The following AFAP1L2 variants were observed in gnomAD, a reference collection of about 807,000 sequenced individuals.
AFAP1L2 encodes actin filament-associated protein 1-like 2.
In AFAP1L2, 46 loss-of-function variants were observed where a neutral mutation model predicts 99.3. The observed-to-expected ratio is 0.46, with a 90% CI of 0.37 to 0.59. AFAP1L2 has a LOEUF of 0.59. Ranked by LOEUF, AFAP1L2 falls within the 20% of genes least tolerant of loss-of-function variation. The probability of loss-of-function intolerance (pLI) is 0.00; values close to 1 mark genes in which losing one functional copy is unlikely to be tolerated. For synonymous variants in AFAP1L2, 397 were observed against 419.1 expected (o/e 0.95, Z 0.64); for missense variants, 959 against 1,034.9 (o/e 0.93, Z 1.01).
intron 11 of AFAP1L2, among the ~76,000 whole-genome samples, chr10:114,303,400 C>G (rs553929256): frequency 6.6e-6 from 1 of 152,260 alleles, no homozygotes; most frequent in East Asian, 1.9e-4. Context: ...CTCTGCCTCC[C>G]GGCTTCAAGC....
At chr10:114,342,314 G>C (rs1454908660) in intron 1 of AFAP1L2, among the ~76,000 whole-genome samples, 1 of 152,152 alleles carries the variant, frequency 6.6e-6, no homozygotes, top group Non-Finnish European at 1.5e-5. Flanking sequence ...CTAGCTATCC[G>C]CTGTAACACC....
At chr10:114,286,391 C>T in the AFAP1L2 span, 45 of 1,613,756 alleles carry the variant, frequency 2.8e-5, no homozygotes, top group East Asian at 7.1e-4. Context: ...TGAGGCCGTG[C>T]GGGCAGAGCT....
intron 4 of AFAP1L2, among the ~76,000 whole-genome samples, chr10:114,328,629 T>C (rs565432718): frequency 6.6e-6 from 1 of 152,324 alleles, no homozygotes; most frequent in South Asian, 2.1e-4. Context: ...CCACGGTTGA[T>C]GGTCTGGCTA....
intron 12 of AFAP1L2, 72 bp downstream of exon 12, chr10:114,302,265 ACT>A (rs1320482228): frequency 1.3e-6 from 2 of 1,592,448 alleles, no homozygotes; most frequent in Admixed American, 3.3e-5. Context: ...GCTGCCCCTG[ACT>A]CTGGCTGACC....
chr10:114,381,670 T>G (rs1375575853), intron 1 of AFAP1L2, among the ~76,000 whole-genome samples: 1 of 151,888 alleles, frequency 6.6e-6, no homozygotes, highest in Admixed American at 6.6e-5. Flanking sequence ...TAAAAGGAAA[T>G]AAATTTGACC....
chr10:114,281,868 C>G, the AFAP1L2 span: 1 of 473,250 alleles, frequency 2.1e-6, no homozygotes, highest in South Asian at 9.0e-5. Flanking sequence ...GGTCACACAG[C>G]CAAAATCCAG....
At chr10:114,319,292 C>T (rs1218609585) in intron 5 of AFAP1L2, among the ~76,000 whole-genome samples, 2 of 151,112 alleles carry the variant, frequency 1.3e-5, no homozygotes, top group Non-Finnish European at 2.9e-5. Flanking sequence ...TAGACTCTAC[C>T]TCACTGTGTC....
At chr10:114,330,181 A>T (rs1046785823) in intron 4 of AFAP1L2, among the ~76,000 whole-genome samples, 12 of 152,200 alleles carry the variant, frequency 7.9e-5, no homozygotes, top group African/African-American at 2.7e-4. Flanking sequence ...TGGTAGAGTC[A>T]GATCCTCAGC....
intron 1 of AFAP1L2, among the ~76,000 whole-genome samples, chr10:114,357,600 C>G (rs901266126): frequency 1.3e-5 from 2 of 152,140 alleles, no homozygotes; most frequent in African/African-American, 2.4e-5. Flanking sequence ...AGTATCGGCT[C>G]TCTCTCTCTG....
rs769101116 is a variant in AFAP1L2 at position 114,300,442 on chromosome 10, T to C, written c.1788+3A>G. 6.2e-7 allele frequency: 1 copy of C among 1,613,048 alleles called. No homozygotes were observed. Among genetic ancestry groups the C allele is most frequent in the Non-Finnish European group, 8.5e-7 (1 of 1,179,458 alleles). ...CTTGCTGTCCTGCAGGGGAGGCCTG[T>C]ACCTGTTCTCCCAGGTTCTCTGGAC... On this transcript the variant is annotated splice_donor_region_variant and intron_variant, in intron 14 of 18. Transcript: ENST00000304129.
intron 6 of AFAP1L2, among the ~76,000 whole-genome samples, chr10:114,315,135 T>C (rs147156905): frequency 0.025 from 3,787 of 152,182 alleles, 169 homozygotes; most frequent in African/African-American, 0.085. Flanking sequence ...AGCAAGACTC[T>C]GTCTCAAAAA....
chr10:114,304,553 G>A (rs1422495481), intron 11 of AFAP1L2, among the ~76,000 whole-genome samples, 166 bp downstream of exon 11: 1 of 152,166 alleles, frequency 6.6e-6, no homozygotes, highest in East Asian at 1.9e-4. Flanking sequence ...GTCAGAAAAG[G>A]AATGGAAATT....
chr10:114,306,731 C>T (rs541823433), intron 10 of AFAP1L2, among the ~76,000 whole-genome samples: 1 of 152,130 alleles, frequency 6.6e-6, no homozygotes, highest in East Asian at 1.9e-4. Flanking sequence ...GGAAGGAGAG[C>T]AGCTGTATTC....
At chr10:114,391,243 A>C (rs1286703776) in intron 1 of AFAP1L2, among the ~76,000 whole-genome samples, 1 of 151,764 alleles carries the variant, frequency 6.6e-6, no homozygotes, top group Non-Finnish European at 1.5e-5. Flanking sequence ...TTTTTTAGAC[A>C]GAGTCTCTTT....
chr10:114,397,809 A>C (rs2057870975), intron 1 of AFAP1L2, among the ~76,000 whole-genome samples: 1 of 152,152 alleles, frequency 6.6e-6, no homozygotes, highest in Non-Finnish European at 1.5e-5. Flanking sequence ...GCTGATTTGC[A>C]GTGTGCTGGG....
chr10:114,284,480 T>C, the AFAP1L2 span, among the ~76,000 whole-genome samples: 1 of 152,206 alleles, frequency 6.6e-6, no homozygotes, highest in Non-Finnish European at 1.5e-5. Context: ...CTGTGCCAGG[T>C]GCAGAGGCCA....
At chr10:114,337,765 G>T (rs1459192932) in intron 2 of AFAP1L2, among the ~76,000 whole-genome samples, 1 of 152,232 alleles carries the variant, frequency 6.6e-6, no homozygotes, top group East Asian at 1.9e-4. Flanking sequence ...CAAACAGGTG[G>T]TTTCCAGTTC....
chr10:114,299,183 G>A (rs1478663507), intron 16 of AFAP1L2, 77 bp downstream of exon 16: 7 of 1,559,570 alleles, frequency 4.5e-6, no homozygotes, highest in Non-Finnish European at 6.1e-6. Context: ...TGTGGTGACA[G>A]CCAGATCTTC....
chr10:114,389,135 C>T (rs545396305), intron 1 of AFAP1L2, among the ~76,000 whole-genome samples: 1 of 152,294 alleles, frequency 6.6e-6, no homozygotes, highest in Non-Finnish European at 1.5e-5. Flanking sequence ...CTTCTCTTGC[C>T]CACACTTGCG....
Sources: gnomAD v4.1 joint callset for allele counts (sites outside exome capture counted in the v4.1 genomes callset) on GRCh38, gnomAD v4.1.1 for gene constraint, MANE v1.5 for transcripts, NCBI Gene and HGNC (gene_info 2026-07-23, HGNC 2026-07-21) for gene names.